Variants in PCDH19 observed in about 807,000 individuals in gnomAD.
PCDH19 encodes the protein protocadherin-19.
A neutral mutation model predicts 46.2 loss-of-function variants in PCDH19; 6 were observed. That is an observed-to-expected ratio of 0.13 (90% CI 0.07 to 0.26). The LOEUF is 0.26. PCDH19 is among the 10% of genes least tolerant of loss of function. The pLI, the probability that PCDH19 is intolerant of heterozygous loss-of-function variation, is 1.00. For synonymous variants in PCDH19, 481 were observed against 415.7 expected (o/e 1.16, Z -1.91); for missense variants, 740 against 972.3 (o/e 0.76, Z 3.18).
intron 5 of PCDH19, among the ~76,000 whole-genome samples, chrX:100,301,915 A>C (rs1343022721): frequency 8.9e-6 from 1 of 112,315 alleles, no homozygotes; most frequent in African/African-American, 3.2e-5. Context: ...AAGAAACTAC[A>C]TTTCACAGGC....
At chrX:100,369,829 T>G (rs1163728703) in intron 3 of PCDH19, among the ~76,000 whole-genome samples, 2 of 112,135 alleles carry the variant, frequency 1.8e-5, no homozygotes, top group Non-Finnish European at 3.8e-5. Flanking sequence ...ATTATCCAGA[T>G]GTAGTCTTAA....
At chrX:100,322,865 A>ATATATATATATATATATATATTTTTTTTT in intron 5 of PCDH19, among the ~76,000 whole-genome samples, 5 of 54,408 alleles carry the variant, frequency 9.2e-5, no homozygotes, top group African/African-American at 1.7e-4. Context: ...ATATATATAT[A>ATATATATATATATATATATATTTTTTTTT]TTTTTGCAGC....
chrX:100,324,378 A>T (rs1925615043), intron 5 of PCDH19, among the ~76,000 whole-genome samples: 1 of 111,876 alleles, frequency 8.9e-6, no homozygotes, highest in Non-Finnish European at 1.9e-5. Flanking sequence ...GAGGAAATTA[A>T]GATGAAAGAG....
chrX:100,301,023 G>T (rs1179156982), intron 5 of PCDH19, among the ~76,000 whole-genome samples: 1 of 110,463 alleles, frequency 9.1e-6, no homozygotes. Flanking sequence ...AATTCAAACA[G>T]AAAAAGACCA....
chrX:100,319,777 G>C (rs748463552), intron 5 of PCDH19, among the ~76,000 whole-genome samples: 24 of 112,172 alleles, frequency 2.1e-4, no homozygotes, highest in Admixed American at 2.0e-3. Context: ...TCAAAGGAAA[G>C]AGCTAATCAT....
At chrX:100,343,205 A>G (rs773958009) in intron 4 of PCDH19, among the ~76,000 whole-genome samples, 9 of 111,949 alleles carry the variant, frequency 8.0e-5, no homozygotes, top group African/African-American at 2.9e-4. Flanking sequence ...AGGCCTTCAA[A>G]CTACACTTCC....
intron 3 of PCDH19, among the ~76,000 whole-genome samples, chrX:100,361,073 T>C (rs942611826): frequency 1.3e-4 from 15 of 111,532 alleles, no homozygotes; most frequent in African/African-American, 4.6e-4. Flanking sequence ...CAACCATGCA[T>C]AGAAAGCCAT....
intron 5 of PCDH19, among the ~76,000 whole-genome samples, chrX:100,333,187 A>AGAG (rs1555976716): frequency 3.9e-3 from 94 of 24,208 alleles, no homozygotes; most frequent in Admixed American, 0.015. Flanking sequence ...GAGAGAGAGA[A>AGAG]AGAAAGAAAG....
chrX:100,379,304 T>TACACACAC (rs200896147), intron 3 of PCDH19, among the ~76,000 whole-genome samples: 24 of 41,603 alleles, frequency 5.8e-4, no homozygotes, highest in African/African-American at 2.0e-3. Flanking sequence ...ATCTGTCACA[T>TACACACAC]ACACACACAC....
chrX:100,356,317 G>A (rs1004576935), intron 3 of PCDH19, among the ~76,000 whole-genome samples: 3 of 111,342 alleles, frequency 2.7e-5, no homozygotes, highest in Non-Finnish European at 5.7e-5. Context: ...ATTATAAAAC[G>A]CTGCTTCTTT....
rs1003086793 is a variant in PCDH19 at position 100,403,605 on chromosome X, C to T, written c.2207G>A (p.Cys736Tyr). Residue 736 changes from cysteine to tyrosine, a missense_variant, in exon 2 of 6, where the codon TGT (cysteine) becomes TAT (tyrosine). Around this residue, in one of 5 missense-constraint regions of PCDH19, gnomAD observed 416 missense variants for 476.8 expected, o/e 0.87. Coordinates refer to ENST00000373034, the MANE Select transcript of PCDH19 (RefSeq NM_001184880.2). ...GCFIKGQNSK[C>Y]LHCISVSPIS... ...GGGAGAAACCGAGATGCAATGCAGA[C>T]ACTTGCTGTTTTGTCCTTTTATAAA... 4 of 1,206,849 alleles carry T rather than the reference C, an allele frequency of 3.3e-6. No homozygotes were observed. The highest frequency in any genetic ancestry group is 1.7e-5 in the African/African-American group (1 of 57,858).
At chrX:100,393,497 T>TACATACAC (rs1927922282) in intron 3 of PCDH19, among the ~76,000 whole-genome samples, 1 of 90,069 alleles carries the variant, frequency 1.1e-5, no homozygotes. Flanking sequence ...CATACATACA[T>TACATACAC]ACACACACAC....
chrX:100,366,047 G>A (rs1042607804), intron 3 of PCDH19, among the ~76,000 whole-genome samples: 1 of 112,044 alleles, frequency 8.9e-6, no homozygotes, highest in Non-Finnish European at 1.9e-5. Flanking sequence ...ACTGTAGAAA[G>A]AGGATGTATG....
rs542983610 is a variant in PCDH19, at chrX:100,294,125, A to T, written c.*2152T>A. ...ATCATAACTTAAAGGGGAAATTTTT[A>T]AAAAATTTTTAATGTGTTAATCAAA... is the stretch of plus-strand genomic sequence containing the variant. On this transcript the variant is annotated 3_prime_UTR_variant, in exon 6 of 6. Transcript: ENST00000373034. 6.2e-5 allele frequency: 7 copies of T among 112,292 alleles called. No homozygotes were observed. The highest frequency in any genetic ancestry group is 2.8e-4 in the East Asian group (1 of 3,580). The allele number at this position is 112,292 out of a possible 1,213,427, so 9.3% of individuals were successfully genotyped here.
At chrX:100,335,595 C>G (rs758187768) in intron 5 of PCDH19, among the ~76,000 whole-genome samples, 1 of 111,700 alleles carries the variant, frequency 9.0e-6, no homozygotes, top group Non-Finnish European at 1.9e-5. Context: ...TTTAATGGCC[C>G]CAAAATCTAT....
Position 100,392,130 on chromosome X carries a change from C to T in PCDH19, c.2616+10394G>A, listed in dbSNP as rs754911555. The stretch of plus-strand genomic sequence containing the variant: ...CAAGCCCCGGATGTCATTCCAACAA[C>T]GCCCAGTGCCATGGTATTTATAGCT... On this transcript the variant is annotated intron_variant, in intron 3 of 5. Coordinates refer to ENST00000373034, the MANE Select transcript of PCDH19 (RefSeq NM_001184880.2). 6.2e-5 allele frequency among the ~76,000 whole-genome samples: 7 copies of T among 112,292 alleles called. No individual in the cohort carries two copies. The East Asian group carries it at 1.7e-3, about 27-fold the overall frequency.
Position 100,296,455 on chromosome X carries a change from G to A in PCDH19, c.3269C>T (p.Pro1090Leu). 3 of 1,211,249 alleles carry A rather than the reference G, an allele frequency of 2.5e-6. No individual in the cohort carries two copies. The South Asian group carries it at 5.3e-5, about 21-fold the overall frequency. ...SVSYTIALAP[P>L]ARDLEQYVNN... ...GACATACTGCTCCAGATCACGGGCT[G>A]GGGGAGCCAGGGCAATGGTGTAAGA... The change falls in exon 6 of 6, where the codon CCA (proline) becomes CTA (leucine). Residue 1090 changes from proline to leucine, a missense_variant. Pro to Leu is a moderately conservative substitution (Grantham distance 98). Coordinates refer to ENST00000373034, the MANE Select transcript of PCDH19 (RefSeq NM_001184880.2).
chrX:100,367,100 C>T (rs1395923672), intron 3 of PCDH19, among the ~76,000 whole-genome samples: 1 of 112,563 alleles, frequency 8.9e-6, no homozygotes, highest in Non-Finnish European at 1.9e-5. Context: ...CAGAGGCTTC[C>T]CCACAATTGA....
chrX:100,343,123 C>T lies in PCDH19; in HGVS notation c.2676-1048G>A, dbSNP rs138148245. Among the ~76,000 whole-genome samples, 67 of 111,386 alleles carry T rather than the reference C, an allele frequency of 6.0e-4. No homozygotes were observed. In the East Asian group the frequency reaches 0.013, roughly 21 times the overall value. The stretch of plus-strand genomic sequence containing the variant: ...TTGAACTGGGACATTAATCATCTCC[C>T]GCCTTCAGCGCTCCTGGTTCTCAAG... On this transcript the variant is annotated intron_variant, in intron 4 of 5. Transcript: ENST00000373034.
Sources: gnomAD v4.1 joint callset for allele counts (sites outside exome capture counted in the v4.1 genomes callset) on GRCh38, gnomAD v4.1.1 for gene constraint, gnomAD v4.1.1 regional missense constraint, MANE v1.5 for transcripts, NCBI Gene and HGNC (gene_info 2026-07-23, HGNC 2026-07-21) for gene names.